The following SAMTOR variants were observed in gnomAD, a reference collection of about 807,000 sequenced individuals.
SAMTOR encodes the protein S-adenosylmethionine sensor upstream of mTORC1.
chr7:112,933,908 T>G, the SAMTOR span, among the ~76,000 whole-genome samples: 1 of 152,126 alleles, frequency 6.6e-6, no homozygotes, highest in Non-Finnish European at 1.5e-5. Flanking sequence ...TGATATATAC[T>G]TATTAAAGAA....
chr7:112,924,819 C>CA, the SAMTOR span, among the ~76,000 whole-genome samples: 1 of 151,318 alleles, frequency 6.6e-6, no homozygotes, highest in Admixed American at 6.6e-5. Context: ...GGCCAATGTT[C>CA]TTTTTTTTTT....
At chr7:112,886,852 A>G in the SAMTOR span, among the ~76,000 whole-genome samples, 1 of 152,162 alleles carries the variant, frequency 6.6e-6, no homozygotes, top group Non-Finnish European at 1.5e-5. Context: ...TCCAATGGCA[A>G]TTATTGGATG....
At chr7:112,840,135 T>TG in the SAMTOR span, among the ~76,000 whole-genome samples, 1 of 151,882 alleles carries the variant, frequency 6.6e-6, no homozygotes, top group Admixed American at 6.6e-5. Flanking sequence ...AGGGGTACGA[T>TG]GGAGTCTGGG....
the SAMTOR span, among the ~76,000 whole-genome samples, chr7:112,874,491 G>T: frequency 6.6e-6 from 1 of 152,118 alleles, no homozygotes; most frequent in Non-Finnish European, 1.5e-5. Flanking sequence ...GACTCCAAAC[G>T]TAGAGGAGGG....
At chr7:112,918,803 C>G in the SAMTOR span, among the ~76,000 whole-genome samples, 1 of 152,156 alleles carries the variant, frequency 6.6e-6, no homozygotes, top group Non-Finnish European at 1.5e-5. Context: ...CAATCCTAGT[C>G]TCTGATAAAA....
At chr7:112,853,892 G>T in the SAMTOR span, among the ~76,000 whole-genome samples, 2 of 152,034 alleles carry the variant, frequency 1.3e-5, no homozygotes, top group African/African-American at 4.8e-5. Flanking sequence ...TGAAGTAGGG[G>T]AATGAGAAAA....
chr7:112,897,372 AGCTT>A, the SAMTOR span, among the ~76,000 whole-genome samples: 1 of 152,158 alleles, frequency 6.6e-6, no homozygotes. Context: ...AATACTAAAA[AGCTT>A]GCTTATGTTT....
At chr7:112,826,390 C>G in the SAMTOR span, among the ~76,000 whole-genome samples, 1 of 152,060 alleles carries the variant, frequency 6.6e-6, no homozygotes, top group African/African-American at 2.4e-5. Context: ...CATGAATAAG[C>G]TTTGGTGGTT....
the SAMTOR span, chr7:112,939,716 C>A: frequency 6.2e-7 from 1 of 1,608,862 alleles, no homozygotes; most frequent in South Asian, 1.1e-5. Flanking sequence ...CCTCTGCGCA[C>A]GAGCAGTATT....
the SAMTOR span, chr7:112,895,815 T>C: frequency 7.2e-6 from 7 of 973,768 alleles, no homozygotes; most frequent in Non-Finnish European, 9.8e-6. Context: ...TTGGCTTTTA[T>C]TAATCAAGAT....
the SAMTOR span, among the ~76,000 whole-genome samples, chr7:112,867,084 A>G: frequency 1.3e-5 from 2 of 152,392 alleles, no homozygotes; most frequent in Admixed American, 1.3e-4. Flanking sequence ...GAAACACAAT[A>G]CAGCCAAAAT....
the SAMTOR span, among the ~76,000 whole-genome samples, chr7:112,852,668 C>T: frequency 6.6e-6 from 1 of 151,736 alleles, no homozygotes; most frequent in Non-Finnish European, 1.5e-5. Context: ...CTCTCTTGCC[C>T]AATTCTAGTT....
the SAMTOR span, chr7:112,939,700 C>T: frequency 6.2e-7 from 1 of 1,611,510 alleles, no homozygotes; most frequent in Non-Finnish European, 8.5e-7. Context: ...TGTTCGGGGA[C>T]CCGGCCCTCT....
At chr7:112,900,330 C>T in the SAMTOR span, among the ~76,000 whole-genome samples, 3 of 152,100 alleles carry the variant, frequency 2.0e-5, no homozygotes, top group African/African-American at 7.2e-5. Context: ...AAGTTGTAGT[C>T]TAAGTTCAAA....
the SAMTOR span, among the ~76,000 whole-genome samples, chr7:112,923,986 T>G: frequency 6.8e-6 from 1 of 147,710 alleles, no homozygotes; most frequent in Non-Finnish European, 1.5e-5. Context: ...AGGTGGGAAT[T>G]GAATAATGAG....
the SAMTOR span, chr7:112,819,719 C>T: frequency 1.3e-5 from 2 of 152,502 alleles, no homozygotes; most frequent in Admixed American, 6.6e-5. Flanking sequence ...CATCTGTAAA[C>T]AATCAGAATT....
chr7:112,880,939 C>T, the SAMTOR span, among the ~76,000 whole-genome samples: 1 of 152,188 alleles, frequency 6.6e-6, no homozygotes, highest in Admixed American at 6.5e-5. Flanking sequence ...TGGCAGGATC[C>T]GGGAACAGGT....
the SAMTOR span, among the ~76,000 whole-genome samples, chr7:112,854,285 T>C: frequency 6.6e-6 from 1 of 152,140 alleles, no homozygotes; most frequent in East Asian, 1.9e-4. Context: ...TGGTTAAAGA[T>C]TATTGGTTTT....
chr7:112,932,648 TGGTAAGTTATAA>T, the SAMTOR span, among the ~76,000 whole-genome samples: 44 of 152,276 alleles, frequency 2.9e-4, no homozygotes, highest in Non-Finnish European at 5.7e-4. Flanking sequence ...ACAAATGAAC[TGGTAAGTTATAA>T]ATACCATAAA....
Sources: gnomAD v4.1 joint callset for allele counts (sites outside exome capture counted in the v4.1 genomes callset) on GRCh38, gnomAD v4.1.1 for gene constraint, MANE v1.5 for transcripts, NCBI Gene and HGNC (gene_info 2026-07-23, HGNC 2026-07-21) for gene names.